Variants in NIN observed in about 807,000 individuals in gnomAD.
NIN encodes the protein glycogen synthase kinase 3 beta-interacting protein.
Under a neutral mutation model 257.6 loss-of-function variants are expected in NIN, and 137 were observed. The observed-to-expected ratio is 0.53, with a 90% CI of 0.46 to 0.61. The LOEUF is 0.61. NIN is among the 20% of genes least tolerant of loss of function. The probability of loss-of-function intolerance (pLI) is 0.00; values close to 1 mark genes in which losing one functional copy is unlikely to be tolerated. For missense variants in NIN, 2,439 were observed against 2,501.2 expected (o/e 0.98, Z 0.53); for synonymous variants, 918 against 919.8 (o/e 1.00, Z 0.04).
intron 7 of NIN, 77 bp from the exon 8 acceptor site, chr14:50,773,172 A>C: frequency 8.7e-7 from 1 of 1,147,244 alleles, no homozygotes; most frequent in South Asian, 1.4e-5. Flanking sequence ...GGCCAGTAGT[A>C]ATCAGTACCA....
chr14:50,740,192 C>CTTT (rs34661828), intron 25 of NIN, among the ~76,000 whole-genome samples: 6 of 147,070 alleles, frequency 4.1e-5, no homozygotes, highest in African/African-American at 1.2e-4. Flanking sequence ...AAAATGGAAA[C>CTTT]TTTTTTTTTT....
At chr14:50,779,246 A>C (rs2043035162) in intron 5 of NIN, among the ~76,000 whole-genome samples, 1 of 152,256 alleles carries the variant, frequency 6.6e-6, no homozygotes, top group Admixed American at 6.5e-5. Context: ...ACAACCATGA[A>C]CAGGACAAAC....
chr14:50,780,484 ATGT>A (rs1035799844), intron 5 of NIN, among the ~76,000 whole-genome samples: 5 of 152,170 alleles, frequency 3.3e-5, no homozygotes, highest in African/African-American at 4.8e-5. Flanking sequence ...TTTAGATGAA[ATGT>A]TGTTTTTCAG....
chr14:50,821,844 C>T, intron 3 of NIN, 30 bp downstream of exon 3: 1 of 1,589,064 alleles, frequency 6.3e-7, no homozygotes, highest in Non-Finnish European at 8.6e-7. Flanking sequence ...CACCCCACTT[C>T]CCATAGCCAC....
chr14:50,820,110 C>A (rs2045129190), intron 3 of NIN, among the ~76,000 whole-genome samples: 1 of 152,234 alleles, frequency 6.6e-6, no homozygotes, highest in East Asian at 1.9e-4. Context: ...TCAGGACTAT[C>A]ACCAGGGACC....
Position 50,728,623 on chromosome 14 carries a change from C to T in NIN, c.6078+900G>A, listed in dbSNP as rs77036830. Among the ~76,000 whole-genome samples the T allele has an allele frequency of 8.1e-3, 1,227 of 152,240 alleles. 18 individuals are homozygous for T. Among genetic ancestry groups the T allele is most frequent in the African/African-American group, 0.027 (1,131 of 41,518 alleles). On this transcript the variant is annotated intron_variant, in intron 29 of 30. Coordinates refer to ENST00000530997, the MANE Select transcript of NIN (RefSeq NM_020921.4). ...GTGGCAAGGTATCTGAACACACAAGCGCATGCAAACCAGAAAGGATTAATG... is the reference window on the plus strand; with the variant it reads ...GTGGCAAGGTATCTGAACACACAAGTGCATGCAAACCAGAAAGGATTAATG...
rs1347746115 is a variant in NIN at position 50,735,743 on chromosome 14, G to C, written c.5776-126C>G. On this transcript the variant is annotated intron_variant, in intron 27 of 30. Coordinates refer to ENST00000530997, the MANE Select transcript of NIN (RefSeq NM_020921.4). ...CTTGGAAGAAAGCCAAGTTAATTCA[G>C]TGACAAACAAATAATACAATTCAGT... 6 of 1,225,874 alleles carry C rather than the reference G, an allele frequency of 4.9e-6. No homozygotes were observed. In the East Asian group the frequency reaches 1.6e-4, roughly 32 times the overall value. 75.9% of individuals were successfully genotyped at this position (1,225,874 alleles called of 1,614,324 possible). A position where few individuals can be genotyped will look rare whatever the true frequency, so the allele number is the denominator to read the frequency against.
intron 2 of NIN, among the ~76,000 whole-genome samples, chr14:50,830,164 A>G (rs1254986574): frequency 6.6e-6 from 1 of 152,162 alleles, no homozygotes; most frequent in Non-Finnish European, 1.5e-5. Context: ...GCACATGCCA[A>G]CGGAACCACC....
chr14:50,764,116 G>A (rs1227546735), intron 14 of NIN, 152 bp from the exon 15 acceptor site: 2 of 641,564 alleles, frequency 3.1e-6, no homozygotes, highest in Admixed American at 5.6e-5. Context: ...TGCAAATTAA[G>A]TATCTGATAA....
intron 28 of NIN, among the ~76,000 whole-genome samples, chr14:50,732,209 G>C (rs745855326): frequency 9.2e-5 from 14 of 152,152 alleles, no homozygotes; most frequent in Non-Finnish European, 2.1e-4. Flanking sequence ...CTTCCCCCAA[G>C]GGAGTGCACA....
In NIN at chr14:50,772,327, T is replaced by G; in HGVS notation, c.955A>C (p.Ile319Leu). ...RILDTWQEEG[I>L]ENSQEILKAL... ...TTCAGGATCTCCTGGCTGTTCTCAATGCCCTCTTCCTGCCAGGTGTCCAGT... is the reference window on the plus strand; with the variant it reads ...TTCAGGATCTCCTGGCTGTTCTCAAGGCCCTCTTCCTGCCAGGTGTCCAGT... The change falls in exon 9 of 31, where the codon ATT (isoleucine) becomes CTT (leucine). Residue 319 changes from isoleucine (I) to leucine (L), a missense_variant. By Grantham distance (5) the Ile-to-Leu change is conservative. Coordinates refer to ENST00000530997, the MANE Select transcript of NIN (RefSeq NM_020921.4). The G allele has an allele frequency of 1.2e-6, 2 of 1,612,124 alleles. No individual in the cohort carries two copies. Among genetic ancestry groups the G allele is most frequent in the Non-Finnish European group, 1.7e-6 (2 of 1,178,324 alleles).
Position 50,772,960 on chromosome 14 carries a change from G to T in NIN, c.802C>A (p.Leu268Ile). ...STPYRQLKRH[L>I]SMQSFDESGR... ...TGCTTATTTTTTACCTGCATGGAAA[G>T]GTGCCTTTTTAGTTGTCTATATGGA... is the stretch of plus-strand genomic sequence containing the variant. The change falls in exon 8 of 31, where the codon CTT becomes ATT. Residue 268 changes from leucine (L) to isoleucine (I), a missense_variant. Coordinates refer to ENST00000530997, the MANE Select transcript of NIN (RefSeq NM_020921.4). 1.2e-6 allele frequency: 2 copies of T among 1,609,510 alleles called. No homozygotes were observed. The highest frequency in any genetic ancestry group is 1.3e-5 in the African/African-American group (1 of 74,712).
chr14:50,800,982 C>T (rs1349762561), intron 4 of NIN, among the ~76,000 whole-genome samples: 1 of 151,262 alleles, frequency 6.6e-6, no homozygotes. Context: ...CGGGCTTTCA[C>T]CATGTTGGTC....
intron 2 of NIN, among the ~76,000 whole-genome samples, chr14:50,828,033 G>T (rs1434674248): frequency 1.3e-5 from 2 of 150,550 alleles, no homozygotes; most frequent in Non-Finnish European, 3.0e-5. Context: ...GGCACAATGT[G>T]CATTCAGTAA....
chr14:50,755,417 A>G (rs558107633), intron 18 of NIN, among the ~76,000 whole-genome samples: 23 of 152,186 alleles, frequency 1.5e-4, no homozygotes, highest in African/African-American at 5.5e-4. Context: ...CTACATTCAG[A>G]ATTAAATTAT....
chr14:50,792,451 T>C, intron 5 of NIN: 2 of 434,698 alleles, frequency 4.6e-6, no homozygotes, highest in South Asian at 3.6e-5. Flanking sequence ...TCAGATGATG[T>C]GGAAATACCT....
intron 9 of NIN, 140 bp downstream of exon 9, chr14:50,772,161 G>T: frequency 1.2e-6 from 1 of 801,432 alleles, no homozygotes; most frequent in Non-Finnish European, 1.9e-6. Context: ...TAAAAAAAAA[G>T]TTACCTTTTA....
intron 7 of NIN, 46 bp downstream of exon 7, chr14:50,776,903 C>T (rs1386740624): frequency 1.3e-6 from 2 of 1,531,730 alleles, no homozygotes; most frequent in South Asian, 1.2e-5. Flanking sequence ...TGGTCAACTA[C>T]ACTTTTACCA....
intron 22 of NIN, 111 bp downstream of exon 22, chr14:50,747,881 G>A (rs2041620971): frequency 1.4e-6 from 1 of 732,800 alleles, no homozygotes; most frequent in Non-Finnish European, 2.3e-6. Flanking sequence ...TACCAAGCTA[G>A]TTGACAGAAC....
Sources: allele counts gnomAD v4.1 joint callset (sites outside exome capture counted in the v4.1 genomes callset), GRCh38; gene constraint gnomAD v4.1.1; transcripts MANE v1.5; gene names NCBI Gene and HGNC (gene_info 2026-07-23, HGNC 2026-07-21).